Variants in DNAH5 observed in about 807,000 individuals in gnomAD.
DNAH5 encodes the protein axonemal beta dynein heavy chain 5.
Under a neutral mutation model 518.2 loss-of-function variants are expected in DNAH5, and 372 were observed. The observed-to-expected ratio is 0.72, with a 90% CI of 0.66 to 0.78. The LOEUF (loss-of-function observed/expected upper bound fraction) is 0.78, where lower values mean the gene tolerates loss of function less well. Ranked by LOEUF, DNAH5 falls within the 30% of genes least tolerant of loss-of-function variation. The probability of loss-of-function intolerance (pLI) is 0.00; values close to 1 mark genes in which losing one functional copy is unlikely to be tolerated. For missense variants in DNAH5, 5,523 were observed against 5,687.0 expected (o/e 0.97, Z 0.93); for synonymous variants, 2,039 against 2,025.9 (o/e 1.01, Z -0.17).
upstream of DNAH5, among the ~76,000 whole-genome samples, chr5:13,947,963 T>C (rs1430550157): frequency 6.6e-6 from 1 of 152,222 alleles, no homozygotes; most frequent in African/African-American, 2.4e-5. Context: ...TGCCCTCTTA[T>C]AATTGCTGTT....
At chr5:13,736,301 G>A (rs1185860449) in intron 66 of DNAH5, among the ~76,000 whole-genome samples, 2 of 152,090 alleles carry the variant, frequency 1.3e-5, no homozygotes, top group African/African-American at 4.8e-5. Flanking sequence ...AAGTTCCAGG[G>A]AGAAGCCATG....
chr5:13,733,976 T>C (rs1368402499), intron 68 of DNAH5, among the ~76,000 whole-genome samples: 1 of 152,156 alleles, frequency 6.6e-6, no homozygotes, highest in Non-Finnish European at 1.5e-5. Context: ...GGCATCATTT[T>C]CATAGTGTTA....
chr5:13,708,003 C>A (rs1743022581), intron 76 of DNAH5, 120 bp downstream of exon 76: 2 of 1,204,156 alleles, frequency 1.7e-6, no homozygotes, highest in Admixed American at 3.4e-5. Flanking sequence ...CTACAGGGGG[C>A]TTCGTCCCTG....
chr5:13,695,746 C>T (rs1741286255), intron 78 of DNAH5, among the ~76,000 whole-genome samples: 1 of 152,052 alleles, frequency 6.6e-6, no homozygotes, highest in Admixed American at 6.5e-5. Flanking sequence ...TAGTATGATG[C>T]CTGGAATGTA....
chr5:13,706,764 C>T (rs1053492456), intron 76 of DNAH5, among the ~76,000 whole-genome samples: 2 of 152,184 alleles, frequency 1.3e-5, no homozygotes, highest in African/African-American at 4.8e-5. Context: ...CTGTCTTTAG[C>T]ACAATTACTA....
intron 1 of DNAH5, among the ~76,000 whole-genome samples, chr5:13,931,639 T>C (rs1244863402): frequency 6.6e-6 from 1 of 152,232 alleles, no homozygotes; most frequent in Non-Finnish European, 1.5e-5. Context: ...TTTTCTACAG[T>C]ATCTCCTATC....
At chr5:13,862,853 A>ATATATATATATATATATATATATAT (rs55675172) in intron 28 of DNAH5, 106 bp from the exon 29 acceptor site, 2 of 299,634 alleles carry the variant, frequency 6.7e-6, no homozygotes, top group African/African-American at 4.5e-5. Flanking sequence ...TATATATATA[A>ATATATATATATATATATATATATAT]ATATATATAT....
rs1747692480 is a variant in DNAH5, at chr5:13,737,471, G to C, written c.11236C>G (p.Leu3746Val). The C allele has an allele frequency of 2.5e-6, 4 of 1,613,908 alleles. No homozygotes were observed. Among genetic ancestry groups the C allele is most frequent in the Non-Finnish European group, 3.4e-6 (4 of 1,179,866 alleles). Residue 3746 changes from leucine (L) to valine (V), a missense_variant, in exon 66 of 79, where the codon CTG becomes GTG. By Grantham distance (32) the Leu-to-Val change is conservative (BLOSUM62 1). This residue lies in a region of DNAH5 where 5,121 missense variants were observed against 5,223.3 expected (regional missense o/e 0.98). Transcript: ENST00000265104. ...TTGTTTGCAGTTACATCTTCCATCA[G>C]ATGAGTTCTTTCTTTCTCCAATTCC... ...KQELEKERTH[L>V]MEDVTANKRR... is the part of the protein sequence containing the mutation.
At chr5:13,815,360 C>G (rs1250008031) in intron 42 of DNAH5, among the ~76,000 whole-genome samples, 1 of 152,150 alleles carries the variant, frequency 6.6e-6, no homozygotes, top group Non-Finnish European at 1.5e-5. Context: ...GCCCCTGAAG[C>G]AGATACAGGC....
intron 1 of DNAH5, among the ~76,000 whole-genome samples, chr5:13,965,217 A>C (rs1244353948): frequency 6.6e-6 from 1 of 152,156 alleles, no homozygotes; most frequent in African/African-American, 2.4e-5. Context: ...AATATTTTAA[A>C]ACCTGTATGT....
At chr5:13,817,732 G>A (rs1193595264) in intron 41 of DNAH5, 38 bp from the exon 42 acceptor site, 1 of 1,607,322 alleles carries the variant, frequency 6.2e-7, no homozygotes, top group Admixed American at 1.7e-5. Flanking sequence ...CATCTCAGAT[G>A]GGAAGTGAAC....
rs1060501465 is a variant in DNAH5, at chr5:13,839,389, G to A, written c.5849C>T (p.Thr1950Ile). 6.2e-7 allele frequency: 1 copy of A among 1,613,982 alleles called. No individual in the cohort carries two copies. Among genetic ancestry groups the A allele is most frequent in the Admixed American group, 1.7e-5 (1 of 60,008 alleles). The change falls in exon 35 of 79, where the codon ACT becomes ATT. Residue 1950 changes from threonine (T) to isoleucine (I), a missense_variant. Transcript: ENST00000265104. ...FIYQNEFLGC[T>I]DRLVITPLTD... ...AAGTGGAGTTATTACAAGCCTGTCA[G>A]TGCAGCCTAAAAATTCATTCTGGTA...
intron 1 of DNAH5, among the ~76,000 whole-genome samples, chr5:13,978,317 A>T (rs1365922383): frequency 1.3e-5 from 2 of 152,232 alleles, no homozygotes; most frequent in Non-Finnish European, 2.9e-5. Context: ...CATTTAGATC[A>T]GTAGACTTCC....
chr5:13,986,015 T>C (rs1179050583), intron 1 of DNAH5, among the ~76,000 whole-genome samples: 1 of 152,196 alleles, frequency 6.6e-6, no homozygotes, highest in African/African-American at 2.4e-5. Context: ...GATGATTAAA[T>C]AATTTAGCAC....
At chr5:14,011,174 A>C (rs1785089593) in intron 1 of DNAH5, among the ~76,000 whole-genome samples, 2 of 152,086 alleles carry the variant, frequency 1.3e-5, no homozygotes, top group South Asian at 4.2e-4. Flanking sequence ...GGGGAACTAA[A>C]CATTCGCTTC....
At chr5:13,930,979 G>A in intron 2 of DNAH5, 131 bp downstream of exon 2, 1 of 1,369,052 alleles carries the variant, frequency 7.3e-7, no homozygotes, top group Non-Finnish European at 1.0e-6. Flanking sequence ...TACAGAGTCA[G>A]AATGGAGCCC....
intron 50 of DNAH5, among the ~76,000 whole-genome samples, chr5:13,790,470 T>C (rs1756789898): frequency 6.6e-6 from 1 of 152,176 alleles, no homozygotes; most frequent in Non-Finnish European, 1.5e-5. Context: ...TACTGCATGA[T>C]ATGTCCCCAC....
intron 27 of DNAH5, among the ~76,000 whole-genome samples, chr5:13,865,106 T>C (rs1030629317): frequency 6.6e-6 from 1 of 150,742 alleles, no homozygotes; most frequent in African/African-American, 2.4e-5. Context: ...GCGATTCTCC[T>C]GCCTCAGCCT....
At chr5:13,700,277 A>G (rs1235860316) in intron 78 of DNAH5, among the ~76,000 whole-genome samples, 1 of 152,108 alleles carries the variant, frequency 6.6e-6, no homozygotes, top group Admixed American at 6.6e-5. Context: ...CCAGGCCCAA[A>G]TGCTCCTGAG....
Sources: allele counts gnomAD v4.1 joint callset (sites outside exome capture counted in the v4.1 genomes callset), GRCh38; gene constraint gnomAD v4.1.1; regional missense constraint gnomAD v4.1.1; transcripts MANE v1.5; gene names NCBI Gene and HGNC (gene_info 2026-07-23, HGNC 2026-07-21).